The following DNMBP variants were observed in gnomAD, a reference collection of about 807,000 sequenced individuals.
DNMBP encodes the protein dynamin binding protein.
In DNMBP, 87 loss-of-function variants were observed where a neutral mutation model predicts 150.0. The observed-to-expected ratio is 0.58, with a 90% confidence interval of 0.49 to 0.69. The LOEUF (loss-of-function observed/expected upper bound fraction) is 0.69, where lower values mean the gene tolerates loss of function less well. Ranked by LOEUF, DNMBP falls within the 30% of genes least tolerant of loss-of-function variation. The pLI, the probability that DNMBP is intolerant of heterozygous loss-of-function variation, is 0.00. For missense variants in DNMBP, 1,774 were observed against 1,949.0 expected (o/e 0.91, Z 1.69); for synonymous variants, 711 against 750.4 (o/e 0.95, Z 0.86).
chr10:99,915,042 C>A (rs912831332), intron 4 of DNMBP, among the ~76,000 whole-genome samples: 1 of 143,926 alleles, frequency 6.9e-6, no homozygotes, highest in Non-Finnish European at 1.5e-5. Flanking sequence ...TGCAGTGAGC[C>A]GAGATCGTAC....
At chr10:99,974,746 C>CA (rs1219780014) in intron 1 of DNMBP, among the ~76,000 whole-genome samples, 1 of 151,800 alleles carries the variant, frequency 6.6e-6, no homozygotes, top group African/African-American at 2.4e-5. Flanking sequence ...TGCCTAATTA[C>CA]AAAAAAAGAA....
At chr10:99,923,633 C>G (rs2040046685) in intron 4 of DNMBP, among the ~76,000 whole-genome samples, 1 of 152,102 alleles carries the variant, frequency 6.6e-6, no homozygotes, top group African/African-American at 2.4e-5. Context: ...AGCTCCAACC[C>G]AAACTCCTAC....
intron 1 of DNMBP, among the ~76,000 whole-genome samples, chr10:100,003,208 G>A (rs1454709541): frequency 5.3e-5 from 8 of 152,268 alleles, no homozygotes; most frequent in East Asian, 1.9e-4. Context: ...TTAGCCAGGC[G>A]TGGTGGCACA....
In DNMBP at chr10:99,956,362, T is replaced by C. The variant is rs756746180; in HGVS notation, c.1112A>G (p.Asp371Gly). The C allele has an allele frequency of 1.2e-6, 2 of 1,613,938 alleles. No homozygotes were observed. Among genetic ancestry groups the C allele is most frequent in the South Asian group, 1.1e-5 (1 of 91,052 alleles). ...GTCCTCGTCCTGATAAGAGTTTCTG[T>C]CTGTGTCATACTCTGAAGTCAGATG... Reference protein sequence around the residue: ...LGHLTSEYDTDRNSYQDEDTA... With the variant: ...LGHLTSEYDTGRNSYQDEDTA... Residue 371 changes from aspartate (D) to glycine (G), a missense_variant, in exon 4 of 17, where the codon GAC becomes GGC. Asp to Gly is a moderately conservative substitution (Grantham distance 94). This residue lies in a region of DNMBP where 1,430 missense variants were observed against 1,492.5 expected (regional missense o/e 0.96). Coordinates refer to ENST00000324109, the MANE Select transcript of DNMBP (RefSeq NM_015221.4).
chr10:99,901,904 TTTTTTTTTCC>T (rs984443753), intron 6 of DNMBP, among the ~76,000 whole-genome samples: 14 of 151,530 alleles, frequency 9.2e-5, no homozygotes, highest in African/African-American at 3.4e-4. Flanking sequence ...GTGCAGAACT[TTTTTTTTTCC>T]TTTTTTTAAG....
chr10:99,942,729 A>G (rs1235703285), intron 4 of DNMBP, among the ~76,000 whole-genome samples: 7 of 152,146 alleles, frequency 4.6e-5, no homozygotes, highest in Admixed American at 3.9e-4. Flanking sequence ...ACATTTCTTG[A>G]CATACATTCA....
chr10:99,907,565 G>A (rs2039842307), intron 6 of DNMBP, among the ~76,000 whole-genome samples: 1 of 151,852 alleles, frequency 6.6e-6, no homozygotes, highest in Non-Finnish European at 1.5e-5. Flanking sequence ...ACCACGCCCA[G>A]CTCTATTTTT....
Position 99,909,084 on chromosome 10 carries a change from C to T in DNMBP, c.2323G>A (p.Glu775Lys), listed in dbSNP as rs762082328. 27 of 1,614,000 alleles carry T rather than the reference C, an allele frequency of 1.7e-5. No homozygotes were observed. Among genetic ancestry groups the T allele is most frequent in the Middle Eastern group, 1.6e-4 (1 of 6,084 alleles). Residue 775 changes from glutamate (E) to lysine (K), a missense_variant, in exon 5 of 17, where the codon GAA becomes AAA. Around this residue, in one of 2 missense-constraint regions of DNMBP, gnomAD observed 1,430 missense variants for 1,492.5 expected, o/e 0.96. Transcript: ENST00000324109. Reference protein sequence around the residue: ...LVAPSGSVSAENPEQRMLEKR... With the variant: ...LVAPSGSVSAKNPEQRMLEKR... ...TCCAGCATCCTCTGCTCTGGATTTTCGGCAGACACAGACCCAGAAGGGGCC... is the reference window on the plus strand; with the variant it reads ...TCCAGCATCCTCTGCTCTGGATTTTTGGCAGACACAGACCCAGAAGGGGCC...
At chr10:99,896,144 A>G in intron 10 of DNMBP, 123 bp downstream of exon 10, 2 of 1,138,020 alleles carry the variant, frequency 1.8e-6, no homozygotes, top group Non-Finnish European at 1.2e-6. Flanking sequence ...TGTCTCCACC[A>G]GCTCGTAAAA....
At chr10:99,971,816 C>A (rs750364905) in intron 2 of DNMBP, among the ~76,000 whole-genome samples, 164 bp downstream of exon 2, 3 of 152,066 alleles carry the variant, frequency 2.0e-5, no homozygotes, top group Non-Finnish European at 4.4e-5. Context: ...GCATGAGCCA[C>A]TGTGCCCAGC....
intron 4 of DNMBP, among the ~76,000 whole-genome samples, chr10:99,928,794 C>A (rs1446119897): frequency 6.6e-6 from 1 of 152,050 alleles, no homozygotes; most frequent in African/African-American, 2.4e-5. Context: ...CAGGGCTACT[C>A]TGGGCACACT....
At chr10:99,960,490 G>C (rs1232753810) in intron 3 of DNMBP, among the ~76,000 whole-genome samples, 1 of 152,088 alleles carries the variant, frequency 6.6e-6, no homozygotes, top group African/African-American at 2.4e-5. Flanking sequence ...TTATGCTCTT[G>C]ATTTTTACAT....
At chr10:99,889,954 G>C (rs528962043) in intron 11 of DNMBP, among the ~76,000 whole-genome samples, 10 of 152,232 alleles carry the variant, frequency 6.6e-5, no homozygotes, top group Admixed American at 6.5e-4. Context: ...CCGTCTCAAA[G>C]ACAACTGCCC....
intron 4 of DNMBP, among the ~76,000 whole-genome samples, chr10:99,944,489 A>G (rs1412985461): frequency 6.6e-6 from 1 of 152,190 alleles, no homozygotes; most frequent in Non-Finnish European, 1.5e-5. Flanking sequence ...TTGCAAGTCA[A>G]CCTGTTCAGA....
intron 11 of DNMBP, among the ~76,000 whole-genome samples, chr10:99,893,450 C>T (rs1198924590): frequency 1.3e-5 from 2 of 152,172 alleles, no homozygotes; most frequent in Non-Finnish European, 2.9e-5. Context: ...GAACAATGGA[C>T]CAAGGCCAGG....
chr10:99,885,295 G>C (rs959309441), intron 14 of DNMBP, among the ~76,000 whole-genome samples: 8 of 152,172 alleles, frequency 5.3e-5, no homozygotes, highest in Non-Finnish European at 1.2e-4. Context: ...CAGATCACAA[G>C]GTCAAGAGAT....
chr10:99,917,793 G>A (rs1049340954), intron 4 of DNMBP, among the ~76,000 whole-genome samples: 8 of 151,452 alleles, frequency 5.3e-5, no homozygotes, highest in African/African-American at 4.9e-5. Context: ...GTGAAACCCC[G>A]TCTCTAAAAA....
chr10:99,931,974 A>T (rs1464103757), intron 4 of DNMBP, among the ~76,000 whole-genome samples: 1 of 152,232 alleles, frequency 6.6e-6, no homozygotes, highest in Non-Finnish European at 1.5e-5. Context: ...AATCATCTGA[A>T]GGATATAATA....
Position 99,955,067 on chromosome 10 carries a change from A to G in DNMBP, c.2260+147T>C, listed in dbSNP as rs1011909478. The stretch of plus-strand genomic sequence containing the variant: ...GACTGTCTCAAAAAAAAGGAAAAAA[A>G]AAAAAAGAAAAGAAATTAGGTAATG... On this transcript the variant is annotated intron_variant, in intron 4 of 16. Coordinates refer to ENST00000324109, the MANE Select transcript of DNMBP (RefSeq NM_015221.4). 5.3e-6 allele frequency: 4 copies of G among 759,994 alleles called. No homozygotes were observed. The African/African-American group carries it at 7.1e-5, about 13-fold the overall frequency. The allele number at this position is 759,994 out of a possible 1,614,324, so 47.1% of individuals were successfully genotyped here. A position where few individuals can be genotyped will look rare whatever the true frequency, so the allele number is the denominator to read the frequency against.
Sources: allele counts gnomAD v4.1 joint callset (sites outside exome capture counted in the v4.1 genomes callset), GRCh38; gene constraint gnomAD v4.1.1; regional missense constraint gnomAD v4.1.1; transcripts MANE v1.5; gene names NCBI Gene and HGNC (gene_info 2026-07-23, HGNC 2026-07-21).